PDE1C: variants seen among roughly 807,000 people sequenced by gnomAD.
The protein encoded by PDE1C is dual specificity calcium/calmodulin-dependent 3',5'-cyclic nucleotide phosphodiesterase 1C.
A neutral mutation model predicts 93.1 loss-of-function variants in PDE1C; 62 were observed. The observed-to-expected ratio is 0.67, with a 90% CI of 0.54 to 0.82. PDE1C has a LOEUF of 0.82. PDE1C is among the 40% of genes least tolerant of loss of function. The probability of loss-of-function intolerance (pLI) is 0.00; values close to 1 mark genes in which losing one functional copy is unlikely to be tolerated. For synonymous variants in PDE1C, 325 were observed against 310.1 expected (o/e 1.05, Z -0.50); for missense variants, 742 against 884.6 (o/e 0.84, Z 2.04).
rs1255492976 is a variant in PDE1C at position 32,261,357 on chromosome 7, C to T, written c.85+37294G>A. ...ACAGCAAGAAAATCTCACTTCAACC[C>T]CCTATGATTCCATCTCCAACCTGAC... On this transcript the variant is annotated intron_variant, in intron 1 of 18. Transcript: ENST00000396193. Among the ~76,000 whole-genome samples, 8 of 152,192 alleles carry T rather than the reference C, an allele frequency of 5.3e-5. No homozygotes were observed. In the East Asian group the frequency reaches 1.5e-3, roughly 29 times the overall value.
chr7:31,780,561 A>C (rs1783327562), intron 16 of PDE1C, among the ~76,000 whole-genome samples: 1 of 152,232 alleles, frequency 6.6e-6, no homozygotes, highest in Non-Finnish European at 1.5e-5. Flanking sequence ...ATATCTGATA[A>C]ATGAGGTAAA....
chr7:32,220,777 C>T (rs1366299424), intron 1 of PDE1C, among the ~76,000 whole-genome samples: 1 of 152,192 alleles, frequency 6.6e-6, no homozygotes, highest in Non-Finnish European at 1.5e-5. Context: ...GCGATCGCAC[C>T]ACTGCACTCC....
chr7:31,629,865 C>T, the PDE1C span, among the ~76,000 whole-genome samples: 1 of 152,154 alleles, frequency 6.6e-6, no homozygotes, highest in African/African-American at 2.4e-5. Flanking sequence ...CAAAGATGTA[C>T]ACCAGCGTAC....
At chr7:32,192,347 T>C (rs1289701268) in intron 2 of PDE1C, among the ~76,000 whole-genome samples, 1 of 152,180 alleles carries the variant, frequency 6.6e-6, no homozygotes, top group Non-Finnish European at 1.5e-5. Context: ...AGGCCCATGA[T>C]CTATTTTGAA....
chr7:32,153,495 G>A lies in PDE1C; in HGVS notation c.308+16290C>T, dbSNP rs904742813. Among the ~76,000 whole-genome samples the A allele has an allele frequency of 2.0e-5, 3 of 152,170 alleles. No individual in the cohort carries two copies. The South Asian group carries it at 6.2e-4, about 32-fold the overall frequency. ...TGAAGGAAAACAAGAGAAGGTCAAG[G>A]GGGAGCCTGGAACAAGCAGAGTGGG... is the stretch of plus-strand genomic sequence containing the variant. On this transcript the variant is annotated intron_variant, in intron 3 of 18. Coordinates refer to the PDE1C transcript ENST00000396193.
chr7:32,062,565 G>T (rs753225392), intron 1 of PDE1C, among the ~76,000 whole-genome samples: 4 of 152,144 alleles, frequency 2.6e-5, no homozygotes, highest in Admixed American at 2.0e-4. Context: ...CTCAGCATGC[G>T]TCTCTTTTCC....
intron 2 of PDE1C, among the ~76,000 whole-genome samples, chr7:31,945,514 T>C (rs1806496419): frequency 6.6e-6 from 1 of 152,100 alleles, no homozygotes; most frequent in African/African-American, 2.4e-5. Context: ...AGATGGGTAA[T>C]TTCTTTTTCT....
chr7:31,940,479 G>C (rs1023001649), intron 2 of PDE1C, among the ~76,000 whole-genome samples: 1 of 152,192 alleles, frequency 6.6e-6, no homozygotes, highest in Non-Finnish European at 1.5e-5. Context: ...GAAGCCTGAA[G>C]TCCAAAGAAT....
intron 7 of PDE1C, among the ~76,000 whole-genome samples, chr7:31,853,422 G>C (rs910365109): frequency 6.6e-6 from 1 of 152,118 alleles, no homozygotes; most frequent in African/African-American, 2.4e-5. Context: ...AAATGAAGGT[G>C]GGCATTTTCA....
chr7:31,723,656 G>A, the PDE1C span, among the ~76,000 whole-genome samples: 5 of 152,196 alleles, frequency 3.3e-5, no homozygotes, highest in East Asian at 9.6e-4. Context: ...ACTCCAGCCA[G>A]CCCTAAGCCT....
chr7:31,919,499 A>G (rs1010038729), intron 2 of PDE1C, among the ~76,000 whole-genome samples: 3 of 152,206 alleles, frequency 2.0e-5, no homozygotes, highest in Non-Finnish European at 4.4e-5. Context: ...AAGGTAGTTG[A>G]GGAAATGAAT....
rs776779099 is a variant in PDE1C, at chr7:31,880,735, T to A, written c.242+12A>T. 72 of 1,502,744 alleles carry A rather than the reference T, an allele frequency of 4.8e-5. No homozygotes were observed. The Admixed American group carries it at 1.2e-3, about 24-fold the overall frequency. 93.1% of individuals were successfully genotyped at this position (1,502,744 alleles called of 1,614,324 possible). Reference sequence around the variant, plus strand: ...ATCACTATACTAATCTCTTTTGTTATTTTTAGCTTACCTTGTTTCATCAAT... The same window carrying A: ...ATCACTATACTAATCTCTTTTGTTAATTTTAGCTTACCTTGTTTCATCAAT... On this transcript the variant is annotated intron_variant, in intron 3 of 17. Coordinates refer to ENST00000396191, the MANE Select transcript of PDE1C (RefSeq NM_001191057.4).
At chr7:32,115,405 G>A (rs965892904) in intron 3 of PDE1C, among the ~76,000 whole-genome samples, 19 of 152,246 alleles carry the variant, frequency 1.2e-4, no homozygotes, top group African/African-American at 4.1e-4. Flanking sequence ...ACTCATAAGT[G>A]GGAGTTGAAC....
At chr7:31,994,445 G>A (rs1784485145) in intron 2 of PDE1C, among the ~76,000 whole-genome samples, 1 of 152,132 alleles carries the variant, frequency 6.6e-6, no homozygotes. Context: ...TGCTATCTAT[G>A]AGCCGGATGA....
At chr7:31,938,993 T>C (rs1353998355) in intron 2 of PDE1C, among the ~76,000 whole-genome samples, 3 of 152,156 alleles carry the variant, frequency 2.0e-5, no homozygotes, top group Admixed American at 6.6e-5. Flanking sequence ...CAGTGGCATG[T>C]TCTAGGTATT....
chr7:31,699,881 C>T, the PDE1C span, among the ~76,000 whole-genome samples: 1 of 151,942 alleles, frequency 6.6e-6, no homozygotes, highest in Non-Finnish European at 1.5e-5. Flanking sequence ...CCACAGACCT[C>T]GCCCATATAA....
chr7:31,644,780 C>T, the PDE1C span, among the ~76,000 whole-genome samples: 5 of 152,292 alleles, frequency 3.3e-5, no homozygotes, highest in East Asian at 9.6e-4. Context: ...GACTATTGCA[C>T]ATAAAACCAC....
intron 1 of PDE1C, among the ~76,000 whole-genome samples, chr7:32,067,696 T>A (rs1584683701): frequency 6.6e-6 from 1 of 152,206 alleles, no homozygotes. Flanking sequence ...CAGTTTAGAT[T>A]TCTGTGCCCC....
the PDE1C span, among the ~76,000 whole-genome samples, chr7:31,663,035 T>C: frequency 2.6e-5 from 4 of 152,276 alleles, no homozygotes; most frequent in African/African-American, 9.6e-5. Flanking sequence ...TCCAAATTCC[T>C]TTTCAAACCC....
Sources: gnomAD v4.1 joint callset for allele counts (sites outside exome capture counted in the v4.1 genomes callset) on GRCh38, gnomAD v4.1.1 for gene constraint, MANE v1.5 for transcripts, NCBI Gene and HGNC (gene_info 2026-07-23, HGNC 2026-07-21) for gene names.